TLDC2: variants seen among roughly 807,000 people sequenced by gnomAD.
TLDC2 encodes the protein TBC/LysM-associated domain containing 2.
In TLDC2, 23 loss-of-function variants were observed where a neutral mutation model predicts 27.9. The ratio of observed to expected loss-of-function variants is 0.82; its 90% CI spans 0.59 to 1.17. The LOEUF (loss-of-function observed/expected upper bound fraction) is 1.17. TLDC2 is among the 50% of genes most tolerant of loss of function. The probability of loss-of-function intolerance (pLI) is 0.00; values close to 1 mark genes in which losing one functional copy is unlikely to be tolerated. For synonymous variants in TLDC2, 124 were observed against 107.4 expected (o/e 1.16, Z -0.96); for missense variants, 286 against 273.4 (o/e 1.05, Z -0.32).
At chr20:36,889,463 T>C (rs1203613209) in intron 6 of TLDC2, 60 bp downstream of exon 6, 1 of 1,543,072 alleles carries the variant, frequency 6.5e-7, no homozygotes, top group Non-Finnish European at 8.7e-7. Flanking sequence ...GCCTGTGCTG[T>C]TTGAAACACA....
intron 1 of TLDC2, among the ~76,000 whole-genome samples, chr20:36,877,190 G>C (rs1055945100): frequency 1.3e-5 from 2 of 152,010 alleles, no homozygotes; most frequent in African/African-American, 4.8e-5. Flanking sequence ...AGACCAGCCT[G>C]GCCAACAGGA....
intron 3 of TLDC2, among the ~76,000 whole-genome samples, chr20:36,880,077 A>ATATATATATG (rs1555828540): frequency 4.9e-5 from 2 of 40,486 alleles, no homozygotes; most frequent in African/African-American, 1.2e-4. Flanking sequence ...ATACATATAT[A>ATATATATATG]TATATATATA....
chr20:36,893,612 T>C lies in TLDC2; in HGVS notation c.*768T>C. ...AAGGGAGAGATCCAAAGGGAGGCGA[T>C]ACAATGACGTGAAACCATAGAGGTA... On this transcript the variant is annotated 3_prime_UTR_variant, in exon 7 of 7. Coordinates refer to ENST00000217320, the MANE Select transcript of TLDC2 (RefSeq NM_080628.3). 1 of 347,020 alleles carries C rather than the reference T, an allele frequency of 2.9e-6. No individual in the cohort carries two copies. The highest frequency in any genetic ancestry group is 5.1e-6 in the Non-Finnish European group (1 of 194,268). 21.5% of individuals were successfully genotyped at this position (347,020 alleles called of 1,614,324 possible).
chr20:36,890,423 C>CTTTCT (rs1555830201), intron 6 of TLDC2: 1 of 104,692 alleles, frequency 9.6e-6, no homozygotes, highest in South Asian at 3.5e-4. Context: ...TCTTTCTTTT[C>CTTTCT]TTTCTCTCTT....
intron 4 of TLDC2, among the ~76,000 whole-genome samples, chr20:36,881,859 CAG>C (rs974001260): frequency 5.7e-4 from 87 of 152,234 alleles, no homozygotes; most frequent in African/African-American, 1.8e-3. Flanking sequence ...ATACAGTGGA[CAG>C]AGAGAGGGAC....
In TLDC2 at chr20:36,893,695, G is replaced by T; in HGVS notation, c.*851G>T. On this transcript the variant is annotated 3_prime_UTR_variant, in exon 7 of 7. Transcript: ENST00000217320. ...CTAAACTGTTCTGAACTTGTGGGTA[G>T]ATCTTCTTTGGTTACAAGATGATGC... 2.6e-6 allele frequency: 1 copy of T among 391,148 alleles called. No homozygotes were observed. Among genetic ancestry groups the T allele is most frequent in the Non-Finnish European group, 4.5e-6 (1 of 222,056 alleles). 24.2% of individuals were successfully genotyped at this position (391,148 alleles called of 1,614,324 possible). A position where few individuals can be genotyped will look rare whatever the true frequency, so the allele number is the denominator to read the frequency against.
intron 4 of TLDC2, among the ~76,000 whole-genome samples, chr20:36,886,458 TG>T (rs1401838845): frequency 6.6e-6 from 1 of 151,984 alleles, no homozygotes; most frequent in East Asian, 1.9e-4. Context: ...CCGGGCGTGG[TG>T]GTGCGTGCCT....
intron 6 of TLDC2, chr20:36,892,514 G>T (rs1990100149): frequency 4.5e-6 from 1 of 220,412 alleles, no homozygotes; most frequent in Non-Finnish European, 9.2e-6. Context: ...GAGTAAGCTG[G>T]GTGTGGTGGC....
rs532791252 is a variant in TLDC2, at chr20:36,893,535, C to T, written c.*691C>T. The T allele has an allele frequency of 2.2e-5, 6 of 274,982 alleles. No individual in the cohort carries two copies. The highest frequency in any genetic ancestry group is 1.1e-4 in the African/African-American group (5 of 45,574). The allele number at this position is 274,982 out of a possible 1,614,324, so 17.0% of individuals were successfully genotyped here. On this transcript the variant is annotated 3_prime_UTR_variant, in exon 7 of 7. Transcript: ENST00000217320. ...ATTTTTCTCTGCATCAAAGCTCTAACGTTGGTCCCATCAGCATAGGCTCCA... is the reference window on the plus strand; with the variant it reads ...ATTTTTCTCTGCATCAAAGCTCTAATGTTGGTCCCATCAGCATAGGCTCCA...
intron 4 of TLDC2, among the ~76,000 whole-genome samples, chr20:36,885,166 C>A (rs928623870): frequency 1.3e-5 from 2 of 152,150 alleles, no homozygotes; most frequent in African/African-American, 4.8e-5. Context: ...CGTGAGCCAC[C>A]GTGCCCGGCC....
chr20:36,878,729 G>A (rs1989731696), intron 2 of TLDC2, among the ~76,000 whole-genome samples: 1 of 151,736 alleles, frequency 6.6e-6, no homozygotes, highest in South Asian at 2.1e-4. Context: ...GGGCAAGGGT[G>A]ACCAAGCAGA....
At chr20:36,890,429 C>CTTTCTTTCTTTTTTTCTT (rs1990044085) in intron 6 of TLDC2, 1 of 16,220 alleles carries the variant, frequency 6.2e-5, no homozygotes. Context: ...TTTTCTTTCT[C>CTTTCTTTCTTTTTTTCTT]TCTTTCCTTC....
At chr20:36,882,836 A>G (rs373415305) in intron 4 of TLDC2, among the ~76,000 whole-genome samples, 5 of 152,172 alleles carry the variant, frequency 3.3e-5, no homozygotes, top group African/African-American at 9.7e-5. Flanking sequence ...TCCTGAACTT[A>G]AGTCTCAGAA....
chr20:36,877,749 A>G lies in TLDC2; in HGVS notation c.34-150A>G, dbSNP rs1989705650. 5 of 900,268 alleles carry G rather than the reference A, an allele frequency of 5.6e-6. No individual in the cohort carries two copies. The South Asian group carries it at 8.4e-5, about 15-fold the overall frequency. The allele number at this position is 900,268 out of a possible 1,614,324, so 55.8% of individuals were successfully genotyped here. On this transcript the variant is annotated intron_variant, in intron 1 of 6. Transcript: ENST00000217320. ...AGGGGCAGCGTCCTGTCTGTCGTGGAAACCCCCAACTACCCTGGGCTGGGC... is the reference window on the plus strand; with the variant it reads ...AGGGGCAGCGTCCTGTCTGTCGTGGGAACCCCCAACTACCCTGGGCTGGGC...
intron 6 of TLDC2, chr20:36,889,873 A>G (rs1052479781): frequency 1.3e-5 from 2 of 152,470 alleles, no homozygotes; most frequent in African/African-American, 4.8e-5. Flanking sequence ...AACTCTTAAC[A>G]TTTTCATGTA....
Position 36,884,582 on chromosome 20 carries a change from C to T in TLDC2, c.439-2873C>T, listed in dbSNP as rs148480160. ...AGGATCAGCCCTCACAACATAGTGA[C>T]GTCTCATCTCTACAAAAAGCAAAAA... On this transcript the variant is annotated intron_variant, in intron 4 of 6. Transcript: ENST00000217320. 3.8e-4 allele frequency among the ~76,000 whole-genome samples: 57 copies of T among 151,962 alleles called. 1 individual carries two copies. The highest frequency in any genetic ancestry group is 1.2e-3 in the African/African-American group (50 of 41,440).
intron 4 of TLDC2, among the ~76,000 whole-genome samples, chr20:36,882,785 C>T (rs943988201): frequency 6.6e-6 from 1 of 152,182 alleles, no homozygotes; most frequent in Admixed American, 6.5e-5. Context: ...GTGAGGGAGG[C>T]ATGGTGAGCC....
Position 36,893,116 on chromosome 20 carries a change from T to C in TLDC2, c.*272T>C. The C allele has an allele frequency of 6.2e-7, 1 of 1,603,468 alleles. No individual in the cohort carries two copies. Among genetic ancestry groups the C allele is most frequent in the Non-Finnish European group, 8.5e-7 (1 of 1,177,460 alleles). ...GGCAATAGAGAAAAGCCAGTTTCCA[T>C]CATCTTATTTCTGAGTGAAAGTCTC... On this transcript the variant is annotated 3_prime_UTR_variant, in exon 7 of 7. Coordinates refer to ENST00000217320, the MANE Select transcript of TLDC2 (RefSeq NM_080628.3).
intron 6 of TLDC2, chr20:36,892,038 A>G (rs1318956690): frequency 2.0e-5 from 3 of 152,306 alleles, no homozygotes; most frequent in Non-Finnish European, 2.9e-5. Context: ...GGGAGTGAGT[A>G]TTCAGGGGAC....
Sources: gnomAD v4.1 joint callset for allele counts (sites outside exome capture counted in the v4.1 genomes callset) on GRCh38, gnomAD v4.1.1 for gene constraint, MANE v1.5 for transcripts, NCBI Gene and HGNC (gene_info 2026-07-23, HGNC 2026-07-21) for gene names.